The following LHFPL3 variants were observed in gnomAD, a reference collection of about 807,000 sequenced individuals.
LHFPL3 encodes the protein LHFPL tetraspan subfamily member 3 protein.
A neutral mutation model predicts 19.3 loss-of-function variants in LHFPL3; 5 were observed. That is an observed-to-expected ratio of 0.26 (90% confidence interval 0.14 to 0.54). LHFPL3 has a LOEUF of 0.54. Ranked by LOEUF, LHFPL3 falls within the 20% of genes least tolerant of loss-of-function variation. The pLI, the probability that LHFPL3 is intolerant of heterozygous loss-of-function variation, is 0.94. For synonymous variants in LHFPL3, 133 were observed against 126.2 expected (o/e 1.05, Z -0.36); for missense variants, 249 against 307.4 (o/e 0.81, Z 1.42).
intron 1 of LHFPL3, among the ~76,000 whole-genome samples, chr7:104,422,362 A>AAATAACAACAACAAC (rs1554391922): frequency 6.6e-6 from 1 of 151,582 alleles, no homozygotes; most frequent in African/African-American, 2.4e-5. Flanking sequence ...CTCTGTCTCA[A>AAATAACAACAACAAC]AACAACAACA....
intron 1 of LHFPL3, among the ~76,000 whole-genome samples, chr7:104,407,116 C>T (rs955753284): frequency 1.3e-5 from 2 of 152,132 alleles, no homozygotes; most frequent in Non-Finnish European, 2.9e-5. Context: ...CATCTGACCT[C>T]GTACTGGATA....
intron 1 of LHFPL3, among the ~76,000 whole-genome samples, chr7:104,471,148 A>G (rs1446129241): frequency 1.3e-5 from 2 of 152,120 alleles, no homozygotes; most frequent in South Asian, 2.1e-4. Context: ...ATTTCTTTCT[A>G]TACGGTGTGT....
intron 1 of LHFPL3, 89 bp downstream of exon 1, chr7:104,329,313 G>GCGC: frequency 1.4e-6 from 2 of 1,459,502 alleles, no homozygotes; most frequent in Middle Eastern, 2.2e-4. Context: ...GGGGCTGTGC[G>GCGC]CGCCGCTGCG....
chr7:104,659,327 C>A (rs1792179218), intron 1 of LHFPL3, among the ~76,000 whole-genome samples: 1 of 152,218 alleles, frequency 6.6e-6, no homozygotes, highest in Non-Finnish European at 1.5e-5. Flanking sequence ...CCCAGCATCT[C>A]TGCCAGCACC....
intron 2 of LHFPL3, among the ~76,000 whole-genome samples, chr7:104,878,259 A>C (rs887664891): frequency 2.6e-5 from 3 of 116,914 alleles, no homozygotes; most frequent in South Asian, 2.7e-4. Flanking sequence ...CGTGCTTTAC[A>C]AATATTGCTT....
At chr7:104,700,609 C>T (rs957619663) in intron 1 of LHFPL3, among the ~76,000 whole-genome samples, 1 of 152,114 alleles carries the variant, frequency 6.6e-6, no homozygotes, top group Admixed American at 6.5e-5. Context: ...TGCAAATAGG[C>T]TTTTGTGTTG....
At chr7:104,518,447 T>G (rs1282417568) in intron 1 of LHFPL3, among the ~76,000 whole-genome samples, 1 of 152,118 alleles carries the variant, frequency 6.6e-6, no homozygotes. Context: ...ACTAAGAGGT[T>G]GTACCTTGTT....
chr7:104,748,301 G>C (rs1794089551), intron 2 of LHFPL3, among the ~76,000 whole-genome samples: 1 of 151,614 alleles, frequency 6.6e-6, no homozygotes, highest in African/African-American at 2.4e-5. Flanking sequence ...AGCCTCGTGG[G>C]AAGGGAAAGA....
intron 2 of LHFPL3, among the ~76,000 whole-genome samples, chr7:104,761,267 A>G: frequency 6.6e-6 from 1 of 152,172 alleles, no homozygotes; most frequent in Non-Finnish European, 1.5e-5. Context: ...TTATCCATAT[A>G]TGGATCGATT....
chr7:104,492,505 G>C (rs553636571), intron 1 of LHFPL3, among the ~76,000 whole-genome samples: 35 of 152,332 alleles, frequency 2.3e-4, no homozygotes, highest in Admixed American at 2.0e-3. Context: ...TTAAACAATA[G>C]CCCAGGCTTT....
intron 1 of LHFPL3, among the ~76,000 whole-genome samples, chr7:104,495,213 T>A (rs1242105210): frequency 2.6e-5 from 4 of 152,106 alleles, no homozygotes; most frequent in African/African-American, 9.7e-5. Context: ...TCACAGAATC[T>A]TTTTTCTTTT....
intron 1 of LHFPL3, among the ~76,000 whole-genome samples, chr7:104,432,897 G>A (rs1313934180): frequency 1.8e-4 from 28 of 151,950 alleles, no homozygotes; most frequent in Non-Finnish European, 1.5e-5. Context: ...ACCACCCCTT[G>A]CCTGAGATGT....
chr7:104,365,328 AAGG>A (rs1219910857), intron 1 of LHFPL3, among the ~76,000 whole-genome samples: 2 of 152,058 alleles, frequency 1.3e-5, no homozygotes, highest in Non-Finnish European at 2.9e-5. Context: ...AAAAATAAAA[AAGG>A]AGGTGGGAGC....
intron 1 of LHFPL3, among the ~76,000 whole-genome samples, chr7:104,683,971 A>AG (rs1792760349): frequency 6.6e-6 from 1 of 152,200 alleles, no homozygotes; most frequent in Non-Finnish European, 1.5e-5. Flanking sequence ...ATCTGTATTT[A>AG]GGGGTAAAAT....
chr7:104,603,066 TTTTCTTTCTTTCTTTC>T (rs373564018), intron 1 of LHFPL3, among the ~76,000 whole-genome samples: 3,676 of 108,814 alleles, frequency 0.034, 81 homozygotes, highest in Non-Finnish European at 0.043. Context: ...CTTTCTTTCT[TTTTCTTTCTTTCTTTC>T]TTTCTTTCTT....
intron 2 of LHFPL3, among the ~76,000 whole-genome samples, chr7:104,857,283 T>G (rs141673112): frequency 9.9e-4 from 151 of 152,306 alleles, no homozygotes; most frequent in African/African-American, 3.5e-3. Context: ...GAAATGATGC[T>G]ACCAAATGCA....
chr7:104,544,358 C>A (rs776434910), intron 1 of LHFPL3, among the ~76,000 whole-genome samples: 1 of 152,134 alleles, frequency 6.6e-6, no homozygotes. Context: ...TAACCACTAG[C>A]ACAAGACACT....
chr7:104,530,213 A>G (rs543642836), intron 1 of LHFPL3, among the ~76,000 whole-genome samples: 6 of 152,210 alleles, frequency 3.9e-5, no homozygotes, highest in Non-Finnish European at 8.8e-5. Flanking sequence ...GATTGAAATC[A>G]TTTTACATCT....
intron 1 of LHFPL3, among the ~76,000 whole-genome samples, chr7:104,681,154 C>CTTTTTTTTTTT (rs35342944): frequency 7.5e-6 from 1 of 132,630 alleles, no homozygotes; most frequent in Admixed American, 7.7e-5. Context: ...TTCTTTTCTT[C>CTTTTTTTTTTT]TTTTTTTTTT....
Sources: gnomAD v4.1 joint callset for allele counts (sites outside exome capture counted in the v4.1 genomes callset) on GRCh38, gnomAD v4.1.1 for gene constraint, MANE v1.5 for transcripts, NCBI Gene and HGNC (gene_info 2026-07-23, HGNC 2026-07-21) for gene names.